Variants in KCNT2 observed in about 807,000 individuals in gnomAD.
KCNT2 encodes the protein potassium channel subfamily T member 2.
In KCNT2, 67 loss-of-function variants were observed where a neutral mutation model predicts 153.8. The ratio of observed to expected loss-of-function variants is 0.44; its 90% confidence interval spans 0.36 to 0.53. The LOEUF (loss-of-function observed/expected upper bound fraction) is 0.53. Ranked by LOEUF, KCNT2 falls within the 20% of genes least tolerant of loss-of-function variation. The probability of loss-of-function intolerance (pLI) is 0.00; values close to 1 mark genes in which losing one functional copy is unlikely to be tolerated. For missense variants in KCNT2, 975 were observed against 1,354.8 expected, an observed-to-expected ratio of 0.72 and a Z score of 4.40; for synonymous variants, 500 against 458.8, an observed-to-expected ratio of 1.09 and a Z score of -1.15.
chr1:196,324,529 C>T (rs1663652162), intron 19 of KCNT2, among the ~76,000 whole-genome samples: 1 of 151,936 alleles, frequency 6.6e-6, no homozygotes, highest in East Asian at 1.9e-4. Context: ...CTGCTTGGCA[C>T]ATCTCTCTAA....
At chr1:196,343,801 A>G (rs1366456323) in intron 14 of KCNT2, among the ~76,000 whole-genome samples, 1 of 151,922 alleles carries the variant, frequency 6.6e-6, no homozygotes. Flanking sequence ...GTGTTTTTAG[A>G]AGGAGTCTTG....
At chr1:196,517,116 C>T (rs1652678479) in intron 1 of KCNT2, among the ~76,000 whole-genome samples, 1 of 152,182 alleles carries the variant, frequency 6.6e-6, no homozygotes, top group African/African-American at 2.4e-5. Flanking sequence ...CCACGGCAAC[C>T]AGAGGCTGGT....
chr1:196,392,161 G>T (rs763390853), intron 13 of KCNT2, among the ~76,000 whole-genome samples: 6 of 151,466 alleles, frequency 4.0e-5, no homozygotes, highest in African/African-American at 1.4e-4. Context: ...AGTTTTTGCA[G>T]TTTTTGAATG....
intron 22 of KCNT2, among the ~76,000 whole-genome samples, chr1:196,297,989 G>A (rs1366776031): frequency 6.6e-6 from 1 of 152,114 alleles, no homozygotes; most frequent in Non-Finnish European, 1.5e-5. Flanking sequence ...TTGAGAATGT[G>A]TAAATTTTGC....
chr1:196,284,180 G>C (rs187574868), intron 23 of KCNT2, among the ~76,000 whole-genome samples: 1 of 133,200 alleles, frequency 7.5e-6, no homozygotes. Context: ...GCAGTGAGCC[G>C]AGATCGCACC....
chr1:196,482,459 ATAT>A, intron 3 of KCNT2, 80 bp from the exon 4 acceptor site: 1 of 706,358 alleles, frequency 1.4e-6, no homozygotes, highest in South Asian at 2.2e-5. Context: ...AAAGTTGGAA[ATAT>A]TAAAATATGC....
In KCNT2 at chr1:196,280,919, TAGA is replaced by T. The variant is rs1558095728; in HGVS notation, c.2848_2850del (p.Ser950del). On this transcript the variant is annotated inframe_deletion, in exon 25 of 28. Coordinates refer to ENST00000294725, the MANE Select transcript of KCNT2 (RefSeq NM_198503.5). ...TAGATTCCAATGGGAACATCTCCAGTAGAAGAACACAACTTCTGATAAAGTCTG... is the reference window on the plus strand; with the variant it reads ...TAGATTCCAATGGGAACATCTCCAGTAGAACACAACTTCTGATAAAGTCTG... 1 of 1,609,756 alleles carries T rather than the reference TAGA, an allele frequency of 6.2e-7. No homozygotes were observed. Among genetic ancestry groups the T allele is most frequent in the Non-Finnish European group, 8.5e-7 (1 of 1,176,098 alleles).
chr1:196,275,524 C>T (rs545463987), intron 25 of KCNT2, among the ~76,000 whole-genome samples: 1 of 151,778 alleles, frequency 6.6e-6, no homozygotes, highest in South Asian at 2.1e-4. Context: ...TCTTTACCAA[C>T]GTTTGTCTTT....
intron 1 of KCNT2, among the ~76,000 whole-genome samples, chr1:196,542,850 T>A (rs1656571319): frequency 6.6e-6 from 1 of 152,046 alleles, no homozygotes; most frequent in African/African-American, 2.4e-5. Context: ...GAACTGTCAG[T>A]CTATGTGTTA....
chr1:196,454,053 A>G (rs1232958373), intron 8 of KCNT2, among the ~76,000 whole-genome samples: 1 of 151,604 alleles, frequency 6.6e-6, no homozygotes, highest in African/African-American at 2.4e-5. Flanking sequence ...TACTCTTTTA[A>G]TCCTTATATT....
At chr1:196,298,200 A>T (rs1286246047) in intron 22 of KCNT2, among the ~76,000 whole-genome samples, 3 of 152,122 alleles carry the variant, frequency 2.0e-5, no homozygotes. Flanking sequence ...CCTACAATTA[A>T]GTGCAATTGT....
intron 14 of KCNT2, among the ~76,000 whole-genome samples, chr1:196,342,544 A>G (rs1665771538): frequency 6.6e-6 from 1 of 150,438 alleles, no homozygotes; most frequent in Non-Finnish European, 1.5e-5. Flanking sequence ...ACAATGAATC[A>G]ATGAGATACA....
intron 12 of KCNT2, among the ~76,000 whole-genome samples, chr1:196,412,913 A>G (rs2148489448): frequency 6.6e-6 from 1 of 151,796 alleles, no homozygotes; most frequent in East Asian, 1.9e-4. Context: ...TGTAACTTCA[A>G]AAATGAAAAT....
At chr1:196,405,620 T>C (rs980332530) in intron 12 of KCNT2, among the ~76,000 whole-genome samples, 1 of 151,478 alleles carries the variant, frequency 6.6e-6, no homozygotes, top group African/African-American at 2.4e-5. Flanking sequence ...TAATTTTTAT[T>C]AGACTCTCAA....
intron 8 of KCNT2, among the ~76,000 whole-genome samples, chr1:196,463,421 ATT>A (rs1033811941): frequency 1.3e-5 from 2 of 151,786 alleles, no homozygotes; most frequent in African/African-American, 4.8e-5. Flanking sequence ...CTGTTTATCC[ATT>A]TGAGTTATTA....
intron 25 of KCNT2, among the ~76,000 whole-genome samples, chr1:196,267,120 C>T (rs1657617637): frequency 6.6e-6 from 1 of 152,174 alleles, no homozygotes; most frequent in South Asian, 2.1e-4. Context: ...ACAAACAATC[C>T]CTCTGCAGGC....
At chr1:196,335,073 T>G (rs2148124289) in intron 16 of KCNT2, among the ~76,000 whole-genome samples, 1 of 152,242 alleles carries the variant, frequency 6.6e-6, no homozygotes, top group South Asian at 2.1e-4. Context: ...TAATATCTAT[T>G]TATGAAAAAT....
intron 3 of KCNT2, 113 bp from the exon 4 acceptor site, chr1:196,482,492 A>T: frequency 2.0e-6 from 1 of 510,152 alleles, no homozygotes; most frequent in Non-Finnish European, 3.4e-6. Flanking sequence ...AAGACAAAAT[A>T]TCAAAATCAA....
intron 22 of KCNT2, among the ~76,000 whole-genome samples, chr1:196,290,826 T>C (rs1660123645): frequency 1.3e-5 from 2 of 152,056 alleles, no homozygotes; most frequent in Admixed American, 1.3e-4. Context: ...CTTTCCCTTT[T>C]CCCCATAATG....
Sources: allele counts gnomAD v4.1 joint callset (sites outside exome capture counted in the v4.1 genomes callset), GRCh38; gene constraint gnomAD v4.1.1; transcripts MANE v1.5; gene names NCBI Gene and HGNC (gene_info 2026-07-23, HGNC 2026-07-21).